SLC25A48: variants seen among roughly 807,000 people sequenced by gnomAD.
SLC25A48 encodes CTC-321K16.1.
SLC25A48 carries 29 observed loss-of-function variants against 32.2 expected under a neutral mutation model. The observed-to-expected ratio is 0.90, with a 90% CI of 0.67 to 1.23. The LOEUF (loss-of-function observed/expected upper bound fraction) is 1.23. Ranked by LOEUF, SLC25A48 falls within the 50% of genes most tolerant of loss-of-function variation. The pLI, the probability that SLC25A48 is intolerant of heterozygous loss-of-function variation, is 0.00. For synonymous variants in SLC25A48, 164 were observed against 172.3 expected (o/e 0.95, Z 0.38); for missense variants, 399 against 422.7 (o/e 0.94, Z 0.49).
intron 3 of SLC25A48, among the ~76,000 whole-genome samples, chr5:135,709,743 A>G (rs1467505506): frequency 6.6e-6 from 1 of 152,202 alleles, no homozygotes; most frequent in Non-Finnish European, 1.5e-5. Context: ...TAATAATAAT[A>G]TCTACATTAT....
intron 1 of SLC25A48, among the ~76,000 whole-genome samples, chr5:135,626,724 A>G (rs1752448540): frequency 6.6e-6 from 1 of 152,158 alleles, no homozygotes; most frequent in Non-Finnish European, 1.5e-5. Flanking sequence ...GTTCAGGTCG[A>G]CTATATCATC....
chr5:135,639,240 T>A (rs1752777718), intron 3 of SLC25A48, among the ~76,000 whole-genome samples: 2 of 152,214 alleles, frequency 1.3e-5, no homozygotes, highest in South Asian at 4.1e-4. Flanking sequence ...CATCAGAAGT[T>A]ACTTTTGTGC....
At chr5:135,721,980 T>A (rs546635470) in intron 3 of SLC25A48, among the ~76,000 whole-genome samples, 1 of 152,372 alleles carries the variant, frequency 6.6e-6, no homozygotes, top group Admixed American at 6.5e-5. Context: ...ATGTGGGGCC[T>A]GGGGCCCCCT....
chr5:135,761,217 G>C (rs186425688), intron 3 of SLC25A48, among the ~76,000 whole-genome samples: 21 of 152,208 alleles, frequency 1.4e-4, no homozygotes, highest in African/African-American at 4.6e-4. Context: ...GGAGGCTGAG[G>C]TGAGAGGATC....
intron 3 of SLC25A48, among the ~76,000 whole-genome samples, chr5:135,805,820 T>C (rs1158395175): frequency 6.6e-6 from 1 of 151,620 alleles, no homozygotes; most frequent in Non-Finnish European, 1.5e-5. Context: ...TTATTTGTAA[T>C]ATTTTAGGGA....
chr5:135,787,906 A>G (rs1387726779), intron 3 of SLC25A48, among the ~76,000 whole-genome samples: 1 of 151,704 alleles, frequency 6.6e-6, no homozygotes, highest in Non-Finnish European at 1.5e-5. Context: ...TACTGCTAAT[A>G]GCCTTGGGGG....
At chr5:135,810,970 C>G (rs1757578244) in intron 3 of SLC25A48, among the ~76,000 whole-genome samples, 1 of 152,200 alleles carries the variant, frequency 6.6e-6, no homozygotes, top group Non-Finnish European at 1.5e-5. Flanking sequence ...GCAGCACCTA[C>G]CGGAACTGAC....
At chr5:135,784,436 T>C (rs1756788758) in intron 3 of SLC25A48, among the ~76,000 whole-genome samples, 1 of 117,366 alleles carries the variant, frequency 8.5e-6, no homozygotes. Flanking sequence ...GTGATATTGT[T>C]CCTAATATCC....
chr5:135,757,005 C>T (rs1462913466), intron 3 of SLC25A48, among the ~76,000 whole-genome samples: 2 of 149,194 alleles, frequency 1.3e-5, no homozygotes, highest in African/African-American at 4.9e-5. Context: ...ATAATATTTA[C>T]AATATCTAGT....
At chr5:135,762,992 G>A (rs1326051898) in intron 3 of SLC25A48, among the ~76,000 whole-genome samples, 4 of 151,978 alleles carry the variant, frequency 2.6e-5, no homozygotes, top group African/African-American at 9.7e-5. Context: ...ATATGTGAAC[G>A]TGAGAGAGTT....
intron 3 of SLC25A48, among the ~76,000 whole-genome samples, chr5:135,725,750 C>T (rs909514895): frequency 1.3e-5 from 2 of 152,158 alleles, no homozygotes; most frequent in Admixed American, 6.5e-5. Context: ...CAGACCTCTC[C>T]GTCTGATGGC....
At chr5:135,685,628 T>G (rs1754005929) in intron 3 of SLC25A48, among the ~76,000 whole-genome samples, 1 of 152,144 alleles carries the variant, frequency 6.6e-6, no homozygotes, top group South Asian at 2.1e-4. Flanking sequence ...AGACGGGGTT[T>G]CACCATGTTG....
chr5:135,753,778 T>A (rs1444896613), intron 3 of SLC25A48, among the ~76,000 whole-genome samples: 1 of 151,822 alleles, frequency 6.6e-6, no homozygotes. Context: ...GTACACCCTG[T>A]AATATTAGCA....
chr5:135,768,423 C>T (rs538839655), intron 3 of SLC25A48, among the ~76,000 whole-genome samples: 10 of 151,008 alleles, frequency 6.6e-5, no homozygotes, highest in African/African-American at 2.4e-4. Context: ...AGATATTGTT[C>T]GTAAAATTAA....
chr5:135,884,827 G>T (rs1480149067), intron 7 of SLC25A48, among the ~76,000 whole-genome samples: 1 of 152,166 alleles, frequency 6.6e-6, no homozygotes, highest in Non-Finnish European at 1.5e-5. Context: ...GTCTTCTACT[G>T]GGTGCTCCTG....
intron 3 of SLC25A48, among the ~76,000 whole-genome samples, chr5:135,697,657 G>T (rs1381704163): frequency 6.6e-6 from 1 of 152,176 alleles, no homozygotes; most frequent in Non-Finnish European, 1.5e-5. Flanking sequence ...AGGTAGACAA[G>T]TTGTATGTCA....
At chr5:135,702,402 C>T (rs984830853) in intron 3 of SLC25A48, among the ~76,000 whole-genome samples, 19 of 152,134 alleles carry the variant, frequency 1.2e-4, no homozygotes, top group Admixed American at 1.1e-3. Flanking sequence ...GGGAGTGATG[C>T]GTCTATAAGC....
intron 3 of SLC25A48, among the ~76,000 whole-genome samples, chr5:135,730,459 T>C (rs975412990): frequency 4.6e-5 from 7 of 152,200 alleles, no homozygotes; most frequent in African/African-American, 1.7e-4. Context: ...TCTGCCATGA[T>C]TGTGAAGATT....
In SLC25A48 at chr5:135,815,855, A is replaced by G. The variant is rs76560392; in HGVS notation, c.-117+2929A>G. Reference sequence around the variant, plus strand: ...CAGACTCATATTTTTATTTTAAAAAAATCTACTCACTCTTGTCCCAAGCAA... The same window carrying G: ...CAGACTCATATTTTTATTTTAAAAAGATCTACTCACTCTTGTCCCAAGCAA... On this transcript the variant is annotated intron_variant, in intron 4 of 10. Coordinates refer to the SLC25A48 transcript ENST00000646290. Among the ~76,000 whole-genome samples the G allele has an allele frequency of 1.6e-4, 25 of 152,342 alleles. No homozygotes were observed. The East Asian group carries it at 4.8e-3, about 29-fold the overall frequency.
Sources: gnomAD v4.1 joint callset for allele counts (sites outside exome capture counted in the v4.1 genomes callset) on GRCh38, gnomAD v4.1.1 for gene constraint, MANE v1.5 for transcripts, NCBI Gene and HGNC (gene_info 2026-07-23, HGNC 2026-07-21) for gene names.